Variants in HMGXB3 observed in about 807,000 individuals in gnomAD.
HMGXB3 encodes HMG-box containing 3, also known as HMG domain-containing protein 3.
HMGXB3 carries 45 observed loss-of-function variants against 121.5 expected under a neutral mutation model. The observed-to-expected ratio is 0.37, with a 90% CI of 0.29 to 0.47. The LOEUF is 0.47. Among genes scored for constraint, HMGXB3 ranks in the 20% least tolerant of loss-of-function variants. HMGXB3 has a pLI of 0.99. For synonymous variants in HMGXB3, 590 were observed against 624.1 expected (o/e 0.95, Z 0.81); for missense variants, 1,376 against 1,602.2 (o/e 0.86, Z 2.41).
At chr5:150,015,733 GA>G (rs1384350342) in intron 5 of HMGXB3, among the ~76,000 whole-genome samples, 1 of 152,170 alleles carries the variant, frequency 6.6e-6, no homozygotes, top group African/African-American at 2.4e-5. Context: ...TGACCTATGA[GA>G]TACTTAGAAG....
intron 19 of HMGXB3, among the ~76,000 whole-genome samples, chr5:150,051,368 G>T (rs1756887984): frequency 6.6e-6 from 1 of 152,216 alleles, no homozygotes; most frequent in African/African-American, 2.4e-5. Context: ...AGTCATTATT[G>T]TCATTACTCC....
rs527488708 is a variant in HMGXB3 at position 150,049,283 on chromosome 5, A to G, written c.3201+598A>G. Among the ~76,000 whole-genome samples, 3 of 152,304 alleles carry G rather than the reference A, an allele frequency of 2.0e-5. No individual in the cohort carries two copies. In the East Asian group the frequency reaches 5.8e-4, roughly 29 times the overall value. On this transcript the variant is annotated intron_variant, in intron 18 of 19. Coordinates refer to ENST00000502717, the MANE Select transcript of HMGXB3 (RefSeq NM_014983.3). The stretch of plus-strand genomic sequence containing the variant: ...AGTTCGTATTTTATTCTGACTGATG[A>G]GGGACCTTTTGGATGGTTTTGAATG...
chr5:150,005,944 A>G (rs537439592), intron 2 of HMGXB3, among the ~76,000 whole-genome samples: 8 of 152,316 alleles, frequency 5.3e-5, no homozygotes, highest in African/African-American at 1.9e-4. Context: ...ACAAAAAGCG[A>G]TCTTTAGGAA....
chr5:150,027,781 G>C (rs1756268489), intron 9 of HMGXB3, among the ~76,000 whole-genome samples: 1 of 152,150 alleles, frequency 6.6e-6, no homozygotes. Flanking sequence ...TTGAACTCCT[G>C]ACCTCAAGTG....
rs2113754839 is a variant in HMGXB3, at chr5:150,037,532, G to T, written c.2413+5G>T. On this transcript the variant is annotated splice_donor_5th_base_variant and intron_variant, in intron 13 of 19. Transcript: ENST00000502717. ...GCTTCATAGACATCTACACAGGTGG[G>T]TGCCAACCTTCTCTTCCCTCAGAGC... 2 of 1,524,484 alleles carry T rather than the reference G, an allele frequency of 1.3e-6. No individual in the cohort carries two copies. Among genetic ancestry groups the T allele is most frequent in the Middle Eastern group, 1.7e-4 (1 of 5,898 alleles). The allele number at this position is 1,524,484 out of a possible 1,614,324, so 94.4% of individuals were successfully genotyped here.
intron 1 of HMGXB3, among the ~76,000 whole-genome samples, chr5:150,003,051 G>A (rs1271120282): frequency 1.3e-5 from 2 of 152,216 alleles, no homozygotes; most frequent in Non-Finnish European, 2.9e-5. Context: ...GCCAAGGTGG[G>A]AAGATCACTT....
In HMGXB3 at chr5:150,036,806, C is replaced by T. The variant is rs547941440; in HGVS notation, c.2154C>T (p.Ser718=). 5.2e-6 allele frequency: 8 copies of T among 1,551,766 alleles called. No homozygotes were observed. The highest frequency in any genetic ancestry group is 2.0e-5 in the Admixed American group (1 of 51,008). ...EVFALIHELN[S]SRLILSNVSE... ...TCGCCTTGATTCATGAACTCAACAG[C>T]TCTCGACTTATCTTGTCCAACGTGA... The change falls in exon 12 of 20, where the codon AGC becomes AGT. Residue 718 remains serine, a synonymous_variant. Transcript: ENST00000502717.
intron 16 of HMGXB3, 59 bp from the exon 17 acceptor site, chr5:150,047,565 G>C (rs979374326): frequency 6.5e-7 from 1 of 1,545,844 alleles, no homozygotes; most frequent in African/African-American, 1.4e-5. Context: ...TGTGGGCCTA[G>C]CCTTGGCCTC....
intron 13 of HMGXB3, among the ~76,000 whole-genome samples, chr5:150,038,355 G>A (rs1222451303): frequency 6.6e-6 from 1 of 152,136 alleles, no homozygotes; most frequent in African/African-American, 2.4e-5. Context: ...GATTGAGTTT[G>A]TACTATTTTA....
chr5:150,052,290 G>T lies in HMGXB3; in HGVS notation c.*98G>T. ...AGGGGACCTGCAGAAGTGGTCTCCT[G>T]TGGGGAGGGCCTCTGACTGCTGGGA... On this transcript the variant is annotated 3_prime_UTR_variant, in exon 20 of 20. Coordinates refer to ENST00000502717, the MANE Select transcript of HMGXB3 (RefSeq NM_014983.3). The T allele has an allele frequency of 6.2e-6, 6 of 964,400 alleles. No individual in the cohort carries two copies. Among genetic ancestry groups the T allele is most frequent in the Non-Finnish European group, 9.1e-6 (6 of 656,750 alleles). The allele number at this position is 964,400 out of a possible 1,614,324, so 59.7% of individuals were successfully genotyped here.
intron 5 of HMGXB3, among the ~76,000 whole-genome samples, chr5:150,014,183 A>G (rs890692888): frequency 6.6e-6 from 1 of 152,228 alleles, no homozygotes; most frequent in Admixed American, 6.5e-5. Context: ...ACTACCAGAG[A>G]CCTTCACACA....
chr5:150,044,151 G>T (rs1756700985), intron 15 of HMGXB3, among the ~76,000 whole-genome samples: 1 of 152,222 alleles, frequency 6.6e-6, no homozygotes, highest in Non-Finnish European at 1.5e-5. Flanking sequence ...TTTGTTTTGT[G>T]TGTGGAGAGT....
At chr5:150,041,302 C>T (rs535528238) in intron 14 of HMGXB3, among the ~76,000 whole-genome samples, 1 of 152,184 alleles carries the variant, frequency 6.6e-6, no homozygotes, top group East Asian at 1.9e-4. Flanking sequence ...TTGTGCTTTT[C>T]CCATCCCATT....
intron 11 of HMGXB3, among the ~76,000 whole-genome samples, chr5:150,034,235 CCATAG>C (rs1443526261): frequency 5.3e-5 from 8 of 152,142 alleles, no homozygotes; most frequent in Non-Finnish European, 1.2e-4. Context: ...GCTCTTCTTG[CCATAG>C]CATTGATCAC....
At chr5:150,004,538 TC>T (rs566655629) in intron 1 of HMGXB3, among the ~76,000 whole-genome samples, 1 of 152,182 alleles carries the variant, frequency 6.6e-6, no homozygotes, top group Non-Finnish European at 1.5e-5. Context: ...GGGTACTGTA[TC>T]CCATGAATAT....
intron 16 of HMGXB3, among the ~76,000 whole-genome samples, chr5:150,045,912 ATTGTCAGCC>A (rs1377322515): frequency 6.6e-6 from 1 of 152,198 alleles, no homozygotes; most frequent in Admixed American, 6.5e-5. Context: ...CGCACAGCTC[ATTGTCAGCC>A]TTCTGGGATA....
chr5:150,044,548 C>T (rs775267152), intron 15 of HMGXB3, among the ~76,000 whole-genome samples: 1 of 152,140 alleles, frequency 6.6e-6, no homozygotes, highest in Non-Finnish European at 1.5e-5. Flanking sequence ...CAGTGGAGGG[C>T]TTGCTGGGTC....
At chr5:150,050,156 T>C in intron 18 of HMGXB3, 96 bp from the exon 19 acceptor site, 1 of 1,071,964 alleles carries the variant, frequency 9.3e-7, no homozygotes, top group Non-Finnish European at 1.4e-6. Flanking sequence ...CTGAAGCTGA[T>C]TGCTCATCTT....
At chr5:150,048,254 C>T (rs966012750) in intron 17 of HMGXB3, among the ~76,000 whole-genome samples, 15 of 152,214 alleles carry the variant, frequency 9.9e-5, no homozygotes, top group African/African-American at 3.6e-4. Context: ...TGTTATGCTT[C>T]CTTCAAGATC....
Sources: gnomAD v4.1 joint callset for allele counts (sites outside exome capture counted in the v4.1 genomes callset) on GRCh38, gnomAD v4.1.1 for gene constraint, MANE v1.5 for transcripts, NCBI Gene and HGNC (gene_info 2026-07-23, HGNC 2026-07-21) for gene names.